LRRC49: variants seen among roughly 807,000 people sequenced by gnomAD.
LRRC49 encodes leucine-rich repeat-containing protein 49.
LRRC49 carries 50 observed loss-of-function variants against 83.3 expected under a neutral mutation model. The ratio of observed to expected loss-of-function variants is 0.60; its 90% confidence interval spans 0.48 to 0.76. The LOEUF (loss-of-function observed/expected upper bound fraction) is 0.76, where lower values mean the gene tolerates loss of function less well. LRRC49 is among the 30% of genes least tolerant of loss of function. LRRC49 has a pLI of 0.00. For missense variants in LRRC49, 704 were observed against 809.1 expected (o/e 0.87, Z 1.58); for synonymous variants, 286 against 283.3 (o/e 1.01, Z -0.10).
At position 71,043,500 on chromosome 15, in the gene LRRC49, C is replaced by A. The variant is rs76709127; in HGVS notation, c.1858-5909C>A. Among the ~76,000 whole-genome samples the A allele has an allele frequency of 4.9e-3, 741 of 152,306 alleles. 2 individuals carry two copies. Among genetic ancestry groups the A allele is most frequent in the Non-Finnish European group, 7.6e-3 (515 of 68,026 alleles). On this transcript the variant is annotated intron_variant, in intron 15 of 15. Coordinates refer to ENST00000260382, the MANE Select transcript of LRRC49 (RefSeq NM_017691.5). Reference sequence around the variant, plus strand: ...AAAAGCATTACTCAAGGAGCAACAACTCCTTGACAGGTCAGGGCAAGAGAG... The same window carrying A: ...AAAAGCATTACTCAAGGAGCAACAAATCCTTGACAGGTCAGGGCAAGAGAG...
At chr15:70,956,270 C>T (rs749440894) in intron 8 of LRRC49, among the ~76,000 whole-genome samples, 9 of 151,864 alleles carry the variant, frequency 5.9e-5, no homozygotes, top group South Asian at 4.2e-4. Flanking sequence ...CTTTTCCTTT[C>T]GGGATATGAA....
upstream of LRRC49, chr15:70,892,549 G>A (rs2033626031): frequency 6.6e-7 from 1 of 1,506,372 alleles, no homozygotes; most frequent in Non-Finnish European, 8.8e-7. Context: ...CAGCGCTGAG[G>A]TGGGCCGTAA....
chr15:70,868,314 T>C (rs1253740166), intron 1 of LRRC49, among the ~76,000 whole-genome samples: 1 of 152,256 alleles, frequency 6.6e-6, no homozygotes, highest in Non-Finnish European at 1.5e-5. Flanking sequence ...TACGTTATTA[T>C]GACATGCGCT....
upstream of LRRC49, chr15:70,892,215 G>A (rs540759685): frequency 3.1e-6 from 5 of 1,600,672 alleles, no homozygotes; most frequent in African/African-American, 6.7e-5. Context: ...AAGCGGAACA[G>A]CGACTTCCCA....
At chr15:70,927,511 G>A (rs1256107197) in intron 7 of LRRC49, among the ~76,000 whole-genome samples, 1 of 152,058 alleles carries the variant, frequency 6.6e-6, no homozygotes, top group Non-Finnish European at 1.5e-5. Context: ...GTTTTTGTTA[G>A]TTGTTATTAT....
chr15:70,961,664 A>G (rs1464419853), intron 8 of LRRC49, among the ~76,000 whole-genome samples: 1 of 152,212 alleles, frequency 6.6e-6, no homozygotes, highest in African/African-American at 2.4e-5. Context: ...TACATATTAC[A>G]TGATTCCAAT....
At chr15:70,989,324 CTT>C (rs775019141) in intron 11 of LRRC49, among the ~76,000 whole-genome samples, 29 of 152,228 alleles carry the variant, frequency 1.9e-4, no homozygotes, top group Admixed American at 5.2e-4. Flanking sequence ...TTCTTGGAGG[CTT>C]TGTTCGTTTC....
At chr15:70,867,625 A>T (rs2032940687) in intron 1 of LRRC49, among the ~76,000 whole-genome samples, 1 of 152,204 alleles carries the variant, frequency 6.6e-6, no homozygotes, top group Non-Finnish European at 1.5e-5. Context: ...GTCAGACTCC[A>T]AATCTATGCT....
In LRRC49 at chr15:71,051,641, G is replaced by A. The variant is rs1280213279; in HGVS notation, c.*2029G>A. ...GCTTTGCAGATGAATGGACCTAGCT[G>A]TTTAGTAATCTGTCCAGCTTCCTGC... On this transcript the variant is annotated 3_prime_UTR_variant, in exon 16 of 16. Transcript: ENST00000260382. 6.6e-6 allele frequency: 1 copy of A among 152,220 alleles called. No individual in the cohort carries two copies. Among genetic ancestry groups the A allele is most frequent in the Non-Finnish European group, 1.5e-5 (1 of 68,084 alleles). The allele number at this position is 152,220 out of a possible 1,614,324, so 9.4% of individuals were successfully genotyped here.
rs562972269 is a variant in LRRC49 at position 70,895,017 on chromosome 15, A to G, written c.106-832A>G. Among the ~76,000 whole-genome samples the G allele has an allele frequency of 7.9e-5, 12 of 152,288 alleles. No homozygotes were observed. In the East Asian group the frequency reaches 1.2e-3, roughly 15 times the overall value. ...TAATGTTTCTAGAGCTGTGTGCCTC[A>G]TCTAAATATTTTTTCCAAACCATTC... On this transcript the variant is annotated intron_variant, in intron 2 of 15. Transcript: ENST00000260382.
At chr15:70,880,952 A>G (rs909402266) in intron 2 of LRRC49, among the ~76,000 whole-genome samples, 5 of 152,248 alleles carry the variant, frequency 3.3e-5, no homozygotes, top group African/African-American at 1.2e-4. Context: ...GGCCAGGTCC[A>G]GTGACTCATG....
intron 14 of LRRC49, among the ~76,000 whole-genome samples, chr15:71,033,672 A>G (rs2039429242): frequency 6.6e-6 from 1 of 152,212 alleles, no homozygotes; most frequent in South Asian, 2.1e-4. Context: ...ACAGCATGGT[A>G]CTGGTACCAA....
At chr15:70,935,944 C>T (rs1389662888) in intron 7 of LRRC49, among the ~76,000 whole-genome samples, 1 of 152,044 alleles carries the variant, frequency 6.6e-6, no homozygotes, top group South Asian at 2.1e-4. Context: ...AATTACCAAG[C>T]GTCTGTAAGA....
chr15:70,949,155 G>A (rs1252924041), intron 8 of LRRC49, among the ~76,000 whole-genome samples: 1 of 152,150 alleles, frequency 6.6e-6, no homozygotes, highest in African/African-American at 2.4e-5. Flanking sequence ...AGGTGATAGA[G>A]CATATTTGGC....
Position 70,892,863 on chromosome 15 carries a change from G to T in LRRC49, c.-32G>T. ...CCGCTGTAGCGTCACCTGGAAGGCA[G>T]ATCTAACAGAGAACCTGGACTGTCT... On this transcript the variant is annotated 5_prime_UTR_variant, in exon 1 of 16. Transcript: ENST00000260382. The T allele has an allele frequency of 6.2e-7, 1 of 1,614,202 alleles. No individual in the cohort carries two copies. Among genetic ancestry groups the T allele is most frequent in the South Asian group, 1.1e-5 (1 of 91,080 alleles).
chr15:70,971,296 G>A (rs1360876656), intron 9 of LRRC49, among the ~76,000 whole-genome samples: 2 of 152,176 alleles, frequency 1.3e-5, no homozygotes, highest in African/African-American at 2.4e-5. Flanking sequence ...GGTTTTGAGT[G>A]TGTTTCTTAA....
rs111422634 is a variant in LRRC49, at chr15:70,883,709, C to T, written c.19-9875C>T. ...TGTCACCCAGACCGGAGTGCAGAAG[C>T]ATGATCTTGGCTCACTGCAACTGCA... On this transcript the variant is annotated intron_variant, in intron 2 of 16. Coordinates refer to the LRRC49 transcript ENST00000544974. 3.6e-3 allele frequency among the ~76,000 whole-genome samples: 547 copies of T among 150,072 alleles called. 2 individuals are homozygous for T. The highest frequency in any genetic ancestry group is 0.013 in the African/African-American group (516 of 40,662).
intron 7 of LRRC49, among the ~76,000 whole-genome samples, chr15:70,930,692 G>A (rs2035374109): frequency 6.6e-6 from 1 of 152,160 alleles, no homozygotes; most frequent in Admixed American, 6.5e-5. Flanking sequence ...ACCTTCATCA[G>A]TTATCTTAGC....
intron 11 of LRRC49, among the ~76,000 whole-genome samples, chr15:71,005,165 G>A (rs919719866): frequency 7.9e-5 from 12 of 152,044 alleles, no homozygotes; most frequent in South Asian, 2.1e-4. Flanking sequence ...TCATTCCTGC[G>A]CCCTTCTTCA....
Sources: allele counts gnomAD v4.1 joint callset (sites outside exome capture counted in the v4.1 genomes callset), GRCh38; gene constraint gnomAD v4.1.1; transcripts MANE v1.5; gene names NCBI Gene and HGNC (gene_info 2026-07-23, HGNC 2026-07-21).